Variants in LRRC4C observed in about 807,000 individuals in gnomAD.
The protein encoded by LRRC4C is leucine-rich repeat-containing protein 4C.
LRRC4C carries 5 observed loss-of-function variants against 33.6 expected under a neutral mutation model. That is an observed-to-expected ratio of 0.15 (90% confidence interval 0.08 to 0.31). The LOEUF is 0.31. LRRC4C is among the 10% of genes least tolerant of loss of function. LRRC4C has a pLI of 1.00. For missense variants in LRRC4C, 560 were observed against 796.7 expected, an observed-to-expected ratio of 0.70 and a Z score of 3.58; for synonymous variants, 329 against 302.0, an observed-to-expected ratio of 1.09 and a Z score of -0.93.
intron 2 of LRRC4C, among the ~76,000 whole-genome samples, chr11:40,865,512 T>TAC (rs1491376471): frequency 1.4e-4 from 1 of 7,366 alleles, no homozygotes; most frequent in African/African-American, 1.8e-4. Context: ...CCACAGTGTG[T>TAC]ATATATATAT....
intron 1 of LRRC4C, among the ~76,000 whole-genome samples, chr11:40,956,779 C>T (rs191743840): frequency 7.3e-4 from 111 of 151,772 alleles, no homozygotes; most frequent in Middle Eastern, 3.4e-3. Context: ...TATAAACACT[C>T]TTTAGCCCCC....
intron 3 of LRRC4C, among the ~76,000 whole-genome samples, chr11:40,633,371 T>TTCTTTCTTTCTTTCTCTCTCTCTCTCTC (rs745929705): frequency 1.0e-5 from 1 of 96,308 alleles, no homozygotes; most frequent in Non-Finnish European, 2.2e-5. Context: ...CTTTCTTTCT[T>TTCTTTCTTTCTTTCTCTCTCTCTCTCTC]TCTCTCTCTT....
intron 1 of LRRC4C, among the ~76,000 whole-genome samples, chr11:40,968,905 G>C (rs1051243906): frequency 2.0e-5 from 3 of 152,098 alleles, no homozygotes; most frequent in Non-Finnish European, 4.4e-5. Flanking sequence ...ATGGAACAAG[G>C]AGTTGTTTTG....
intron 2 of LRRC4C, among the ~76,000 whole-genome samples, chr11:40,869,914 T>C (rs1954551892): frequency 6.6e-6 from 1 of 152,168 alleles, no homozygotes; most frequent in Non-Finnish European, 1.5e-5. Flanking sequence ...TGTCTCCCCT[T>C]CTGCCTTAGG....
intron 5 of LRRC4C, among the ~76,000 whole-genome samples, chr11:40,198,716 C>A (rs1590685633): frequency 6.6e-6 from 1 of 152,286 alleles, no homozygotes; most frequent in Non-Finnish European, 1.5e-5. Context: ...TATTTACATT[C>A]CTCCAGTCTG....
chr11:41,438,420 G>C (rs1255573128), intron 1 of LRRC4C, among the ~76,000 whole-genome samples: 3 of 152,134 alleles, frequency 2.0e-5, no homozygotes, highest in Non-Finnish European at 4.4e-5. Context: ...AAAAAGCTGA[G>C]ATGGAAGAAA....
chr11:40,607,161 C>G (rs1960704793), intron 3 of LRRC4C, among the ~76,000 whole-genome samples: 1 of 152,086 alleles, frequency 6.6e-6, no homozygotes, highest in Non-Finnish European at 1.5e-5. Context: ...TAAACAAAAG[C>G]TGAGGGAGTT....
chr11:40,315,987 G>T (rs910446428), intron 4 of LRRC4C, among the ~76,000 whole-genome samples: 1 of 152,008 alleles, frequency 6.6e-6, no homozygotes, highest in Non-Finnish European at 1.5e-5. Flanking sequence ...CGAATCATGG[G>T]AATGTGGGCA....
intron 2 of LRRC4C, among the ~76,000 whole-genome samples, chr11:40,824,000 CGG>C (rs1952051076): frequency 6.6e-6 from 1 of 151,902 alleles, no homozygotes; most frequent in Non-Finnish European, 1.5e-5. Flanking sequence ...GTTAGATGGA[CGG>C]AACTCAAAAA....
chr11:40,883,639 A>G (rs1955293575), intron 2 of LRRC4C, among the ~76,000 whole-genome samples: 2 of 151,966 alleles, frequency 1.3e-5, no homozygotes. Context: ...TTAAACATAT[A>G]TAATTAAATA....
chr11:40,386,062 T>G (rs1949099419), intron 3 of LRRC4C, among the ~76,000 whole-genome samples: 1 of 136,178 alleles, frequency 7.3e-6, no homozygotes, highest in Non-Finnish European at 1.6e-5. Context: ...GAAAATAAAA[T>G]AAAATGAAAT....
chr11:40,919,938 CATATTACTA>C (rs1159307388), intron 2 of LRRC4C, among the ~76,000 whole-genome samples: 1 of 152,020 alleles, frequency 6.6e-6, no homozygotes, highest in Non-Finnish European at 1.5e-5. Context: ...AAAACAGGGC[CATATTACTA>C]AAATATGTGT....
chr11:40,142,000 C>T (rs898090501), intron 5 of LRRC4C, among the ~76,000 whole-genome samples: 1 of 151,920 alleles, frequency 6.6e-6, no homozygotes, highest in African/African-American at 2.4e-5. Flanking sequence ...ATGGATAACT[C>T]AGCCAGGCGG....
At chr11:40,383,920 A>AATTATTATTATTATTATTATTATTATT (rs143241296) in intron 3 of LRRC4C, among the ~76,000 whole-genome samples, 1 of 135,432 alleles carries the variant, frequency 7.4e-6, no homozygotes, top group Admixed American at 7.2e-5. Context: ...TTTTAATTCA[A>AATTATTATTATTATTATTATTATTATT]ATTATTATTA....
intron 1 of LRRC4C, among the ~76,000 whole-genome samples, chr11:41,177,388 T>A (rs1945253004): frequency 6.6e-6 from 1 of 152,186 alleles, no homozygotes; most frequent in Non-Finnish European, 1.5e-5. Flanking sequence ...TTATGAGTAC[T>A]GAGAGTCCAA....
chr11:41,310,707 C>A (rs1950621050), intron 1 of LRRC4C, among the ~76,000 whole-genome samples: 1 of 151,972 alleles, frequency 6.6e-6, no homozygotes, highest in South Asian at 2.1e-4. Flanking sequence ...TTCATAGCAA[C>A]CAGTCTAAAA....
chr11:41,393,420 A>G (rs895646216), intron 1 of LRRC4C, among the ~76,000 whole-genome samples: 12 of 151,894 alleles, frequency 7.9e-5, no homozygotes, highest in African/African-American at 2.4e-4. Context: ...AAGGTGGCTG[A>G]CTTTGAAAAC....
At chr11:40,350,028 C>T (rs536609623) in intron 3 of LRRC4C, among the ~76,000 whole-genome samples, 32 of 152,110 alleles carry the variant, frequency 2.1e-4, no homozygotes, top group Admixed American at 7.2e-4. Context: ...ATGTTTTCTC[C>T]GATCATATGG....
chr11:40,795,265 A>T (rs987670125), intron 2 of LRRC4C, among the ~76,000 whole-genome samples: 1 of 152,194 alleles, frequency 6.6e-6, no homozygotes, highest in Non-Finnish European at 1.5e-5. Context: ...GCGGTGGCTC[A>T]CGCCTGTAAT....
Sources: allele counts gnomAD v4.1 joint callset (sites outside exome capture counted in the v4.1 genomes callset), GRCh38; gene constraint gnomAD v4.1.1; transcripts MANE v1.5; gene names NCBI Gene and HGNC (gene_info 2026-07-23, HGNC 2026-07-21).